Variants in ESCO2 observed in about 807,000 individuals in gnomAD.
ESCO2 encodes the protein establishment of sister chromatid cohesion N-acetyltransferase 2.
Under a neutral mutation model 61.7 loss-of-function variants are expected in ESCO2, and 51 were observed. The ratio of observed to expected loss-of-function variants is 0.83; its 90% CI spans 0.66 to 1.04. The LOEUF is 1.04. Among genes scored for constraint, ESCO2 ranks in the 50% least tolerant of loss-of-function variants. ESCO2 has a pLI of 0.00. For synonymous variants in ESCO2, 230 were observed against 238.2 expected, an observed-to-expected ratio of 0.97 and a Z score of 0.32; for missense variants, 692 against 686.2, an observed-to-expected ratio of 1.01 and a Z score of -0.09.
downstream of ESCO2, chr8:27,808,280 G>A: frequency 9.1e-7 from 1 of 1,096,158 alleles, no homozygotes; most frequent in South Asian, 1.6e-5. Flanking sequence ...TCCTTTTATG[G>A]AGGCATAACA....
chr8:27,774,270 G>A (rs1804726178), upstream of ESCO2: 1 of 151,884 alleles, frequency 6.6e-6, no homozygotes, highest in Non-Finnish European at 1.5e-5. Flanking sequence ...ACCCCAGAAT[G>A]TATCTCAACT....
chr8:27,775,181 T>C (rs1235354552), intron 1 of ESCO2, among the ~76,000 whole-genome samples: 1 of 152,102 alleles, frequency 6.6e-6, no homozygotes, highest in Non-Finnish European at 1.5e-5. Context: ...GCTAGGAAAA[T>C]GGCAGAGGAC....
downstream of ESCO2, among the ~76,000 whole-genome samples, chr8:27,806,666 C>T (rs1176388439): frequency 6.7e-6 from 1 of 149,690 alleles, no homozygotes; most frequent in East Asian, 2.0e-4. Flanking sequence ...GTTGCCCAGG[C>T]TGGAGTGCAT....
intron 3 of ESCO2, chr8:27,778,501 AC>A (rs1309964486): frequency 6.6e-6 from 1 of 152,136 alleles, no homozygotes; most frequent in Admixed American, 6.5e-5. Flanking sequence ...AATGTATTAA[AC>A]TGTGCTTTAT....
chr8:27,789,268 T>C (rs1416828713), intron 7 of ESCO2, among the ~76,000 whole-genome samples: 2 of 152,178 alleles, frequency 1.3e-5, no homozygotes, highest in Non-Finnish European at 2.9e-5. Flanking sequence ...CTCCAGGTTT[T>C]TTCTGAGAGG....
chr8:27,796,434 T>C (rs1248587269), intron 9 of ESCO2, among the ~76,000 whole-genome samples: 2 of 152,190 alleles, frequency 1.3e-5, no homozygotes, highest in Non-Finnish European at 2.9e-5. Flanking sequence ...CTGATCTTTA[T>C]TTTCTTCCTT....
In ESCO2 at chr8:27,804,137, A is replaced by G; in HGVS notation, c.*699A>G. The G allele has an allele frequency of 1.0e-6, 1 of 985,368 alleles. No individual in the cohort carries two copies. 61.0% of individuals were successfully genotyped at this position (985,368 alleles called of 1,614,324 possible). ...TAGAATTTATTTGTAACAAGATGGTAAGGAATAAGATTATCCCATATGCAT... is the reference window on the plus strand; with the variant it reads ...TAGAATTTATTTGTAACAAGATGGTGAGGAATAAGATTATCCCATATGCAT... On this transcript the variant is annotated 3_prime_UTR_variant, in exon 11 of 11. Coordinates refer to ENST00000305188, the MANE Select transcript of ESCO2 (RefSeq NM_001017420.3).
chr8:27,784,066 T>A lies in ESCO2; in HGVS notation c.1013+9T>A. 1 of 1,612,100 alleles carries A rather than the reference T, an allele frequency of 6.2e-7. No individual in the cohort carries two copies. ...TCAGTCAATTCAAAAAGGTGAGAAT[T>A]GTTATTGTTTTAAAGTCCAAGCCTT... On this transcript the variant is annotated intron_variant, in intron 5 of 10. Transcript: ENST00000305188.
chr8:27,814,788 C>T (rs1805779176), downstream of ESCO2, among the ~76,000 whole-genome samples: 1 of 151,978 alleles, frequency 6.6e-6, no homozygotes, highest in Non-Finnish European at 1.5e-5. Flanking sequence ...ACTGAATTTC[C>T]AAATACTTGG....
intron 6 of ESCO2, 24 bp from the exon 7 acceptor site, chr8:27,788,823 T>G (rs769561622): frequency 5.6e-6 from 9 of 1,613,810 alleles, no homozygotes; most frequent in Non-Finnish European, 7.6e-6. Context: ...TAAATGGGTT[T>G]CTTTTTTTAC....
downstream of ESCO2, among the ~76,000 whole-genome samples, chr8:27,814,770 T>C (rs974348098): frequency 6.6e-6 from 1 of 152,208 alleles, no homozygotes; most frequent in African/African-American, 2.4e-5. Flanking sequence ...GTTATTTAAA[T>C]TTGTGTTACT....
Position 27,788,878 on chromosome 8 carries a change from T to A in ESCO2, c.1163T>A (p.Val388Glu). Residue 388 changes from valine (V) to glutamate (E), a missense_variant, in exon 7 of 11, where the codon GTG (valine) becomes GAG (glutamate). By Grantham distance (121) the Val-to-Glu change is moderately radical. Transcript: ENST00000305188. ...GGTCAGAAACATTTTGGGGCTACTG[T>A]GTGCAAGTCTTGTGGTATGATATAT... ...DAGQKHFGAT[V>E]CKSCGMIYTA... The A allele has an allele frequency of 6.2e-7, 1 of 1,614,150 alleles. No individual in the cohort carries two copies. Among genetic ancestry groups the A allele is most frequent in the Middle Eastern group, 1.6e-4 (1 of 6,062 alleles).
chr8:27,805,282 C>T lies in ESCO2; in HGVS notation c.*1844C>T, dbSNP rs1199822168. 2.1e-4 allele frequency: 10 copies of T among 47,868 alleles called. No homozygotes were observed. Among genetic ancestry groups the T allele is most frequent in the African/African-American group, 3.4e-4 (3 of 8,750 alleles). The allele number at this position is 47,868 out of a possible 1,614,324, so 3.0% of individuals were successfully genotyped here. A position where few individuals can be genotyped will look rare whatever the true frequency, so the allele number is the denominator to read the frequency against. ...CGGCCTGGGCGACAGAGCGAGACTC[C>T]GTCTCAAAAAAAAAAAAAAAAAAAA... On this transcript the variant is annotated 3_prime_UTR_variant, in exon 11 of 11. Transcript: ENST00000305188.
downstream of ESCO2, chr8:27,810,572 C>T (rs901191117): frequency 2.4e-6 from 2 of 838,960 alleles, no homozygotes; most frequent in Admixed American, 4.8e-5. Context: ...ATAGCTCACC[C>T]TTCTCCTGAA....
Position 27,799,646 on chromosome 8 carries a change from A to G in ESCO2, c.1603A>G (p.Ile535Val), listed in dbSNP as rs1334342880. 1 of 1,613,976 alleles carries G rather than the reference A, an allele frequency of 6.2e-7. No individual in the cohort carries two copies. The highest frequency in any genetic ancestry group is 2.2e-5 in the East Asian group (1 of 44,870). Residue 535 changes from isoleucine to valine, a missense_variant, in exon 10 of 11, where the codon ATA (isoleucine) becomes GTA (valine). Coordinates refer to ENST00000305188, the MANE Select transcript of ESCO2 (RefSeq NM_001017420.3). ...SDVPEPAVCGISRIWVFRLKR... is the reference protein window; with the variant it reads ...SDVPEPAVCGVSRIWVFRLKR... ...TGTACCAGAACCTGCAGTCTGTGGG[A>G]TAAGTAGAATCTGGGTTTTCAGACT...
chr8:27,779,684 T>C (rs187310151), intron 3 of ESCO2: 174 of 159,418 alleles, frequency 1.1e-3, no homozygotes, highest in African/African-American at 4.0e-3. Context: ...CTGGCTTTTT[T>C]TTCTTTTGAG....
chr8:27,811,010 C>T (rs770864767), downstream of ESCO2: 2 of 1,612,516 alleles, frequency 1.2e-6, no homozygotes, highest in African/African-American at 2.7e-5. Flanking sequence ...ATAAAGTCAT[C>T]ATTTCCCACA....
At chr8:27,816,297 A>G (rs1268991150), downstream of ESCO2, among the ~76,000 whole-genome samples, 3 of 150,546 alleles carry the variant, frequency 2.0e-5, no homozygotes, top group African/African-American at 7.4e-5. Flanking sequence ...ATATTTGCAA[A>G]TTTATCTTGA....
chr8:27,789,866 G>C (rs372697069), intron 7 of ESCO2, among the ~76,000 whole-genome samples: 1 of 151,576 alleles, frequency 6.6e-6, no homozygotes, highest in Admixed American at 6.6e-5. Context: ...CCCACCAGAA[G>C]TTTGGTGCTC....
Sources: gnomAD v4.1 joint callset for allele counts (sites outside exome capture counted in the v4.1 genomes callset) on GRCh38, gnomAD v4.1.1 for gene constraint, MANE v1.5 for transcripts, NCBI Gene and HGNC (gene_info 2026-07-23, HGNC 2026-07-21) for gene names.